IPCEF1: variants seen among roughly 807,000 people sequenced by gnomAD.
The protein encoded by IPCEF1 is interaction protein for cytohesin exchange factors 1, also known as interactor protein for cytohesin exchange factors 1.
Under a neutral mutation model 50.9 loss-of-function variants are expected in IPCEF1, and 31 were observed. That is an observed-to-expected ratio of 0.61 (90% CI 0.46 to 0.82). The LOEUF is 0.82. Among genes scored for constraint, IPCEF1 ranks in the 40% least tolerant of loss-of-function variants. IPCEF1 has a pLI of 0.00. For synonymous variants in IPCEF1, 181 were observed against 192.0 expected (o/e 0.94, Z 0.47); for missense variants, 458 against 514.0 (o/e 0.89, Z 1.05).
intron 1 of IPCEF1, among the ~76,000 whole-genome samples, chr6:154,327,581 T>C (rs1436406557): frequency 6.6e-6 from 1 of 152,082 alleles, no homozygotes; most frequent in East Asian, 1.9e-4. Context: ...CACATATTGG[T>C]GAAGTTGCTG....
intron 1 of IPCEF1, among the ~76,000 whole-genome samples, chr6:154,295,323 T>C (rs1583958257): frequency 2.0e-5 from 3 of 152,330 alleles, no homozygotes; most frequent in African/African-American, 7.2e-5. Context: ...GGTGGTGCTG[T>C]TCTTACAAAT....
At chr6:154,181,086 G>A (rs1490112479) in intron 10 of IPCEF1, among the ~76,000 whole-genome samples, 2 of 152,082 alleles carry the variant, frequency 1.3e-5, no homozygotes, top group Non-Finnish European at 2.9e-5. Flanking sequence ...CAAAAGATCA[G>A]AAGAATTGTA....
chr6:154,197,357 C>T (rs1053842625), intron 10 of IPCEF1, among the ~76,000 whole-genome samples: 4 of 152,156 alleles, frequency 2.6e-5, no homozygotes, highest in Non-Finnish European at 5.9e-5. Flanking sequence ...TTGCTGTTTC[C>T]ATAGAGATGA....
intron 10 of IPCEF1, among the ~76,000 whole-genome samples, chr6:154,174,784 A>T (rs1800178080): frequency 6.6e-6 from 1 of 152,194 alleles, no homozygotes; most frequent in South Asian, 2.1e-4. Flanking sequence ...ATTAACAAGG[A>T]TATCCAGGAC....
chr6:154,266,345 A>G (rs1035385016), intron 2 of IPCEF1, among the ~76,000 whole-genome samples: 2 of 152,116 alleles, frequency 1.3e-5, no homozygotes, highest in Non-Finnish European at 2.9e-5. Context: ...TAATGGCACC[A>G]CTGCACTCCA....
At chr6:154,353,389 G>A (rs1784151538) in intron 1 of IPCEF1, among the ~76,000 whole-genome samples, 1 of 145,132 alleles carries the variant, frequency 6.9e-6, no homozygotes, top group Non-Finnish European at 1.5e-5. Flanking sequence ...CCGGATTCAA[G>A]TGGTTCTTGT....
At chr6:154,193,982 C>A (rs1309143728) in intron 10 of IPCEF1, among the ~76,000 whole-genome samples, 2 of 152,156 alleles carry the variant, frequency 1.3e-5, no homozygotes, top group Non-Finnish European at 2.9e-5. Flanking sequence ...TCATGACATA[C>A]ACAGTTTACA....
At chr6:154,337,676 A>C (rs9397704) in intron 1 of IPCEF1, among the ~76,000 whole-genome samples, 3 of 151,986 alleles carry the variant, frequency 2.0e-5, no homozygotes, top group African/African-American at 7.3e-5. Context: ...AAAGGGGAGG[A>C]GGGAGGAACC....
chr6:154,197,726 C>G (rs1319151010), intron 10 of IPCEF1, among the ~76,000 whole-genome samples: 1 of 152,156 alleles, frequency 6.6e-6, no homozygotes, highest in Non-Finnish European at 1.5e-5. Context: ...TGGCTATGGT[C>G]CTAAAAGAAA....
At position 154,280,431 on chromosome 6, in the gene IPCEF1, A is replaced by T. The variant is rs552989942; in HGVS notation, c.-18+9282T>A. On this transcript the variant is annotated intron_variant, in intron 2 of 11. Coordinates refer to ENST00000367220, the MANE Select transcript of IPCEF1 (RefSeq NM_001130700.2). The stretch of plus-strand genomic sequence containing the variant: ...GAGGTAAATCATTTAAAAAATTGTT[A>T]AAAAAAAATGTCCATCAATGGGAAA... Among the ~76,000 whole-genome samples, 88 of 136,646 alleles carry T rather than the reference A, an allele frequency of 6.4e-4. 1 individual carries two copies. Among genetic ancestry groups the T allele is most frequent in the African/African-American group, 3.0e-3 (83 of 27,520 alleles). The allele number at this position is 136,646 out of a possible 152,430, so 89.6% of individuals were successfully genotyped here. A position where few individuals can be genotyped will look rare whatever the true frequency, so the allele number is the denominator to read the frequency against.
rs1397870267 is a variant in IPCEF1 at position 154,168,041 on chromosome 6, G to A, written c.983C>T (p.Pro328Leu). Residue 328 changes from proline to leucine, a missense_variant, in exon 11 of 12, where the codon CCT (proline) becomes CTT (leucine). Transcript: ENST00000367220. This position sits in a 1 kb window ranked among gnomAD's most constrained non-coding sequence, Gnocchi z 4.1. ...YKSLEQASLS[P>L]LGDRRPSTKK... is the part of the protein sequence containing the mutation. ...AGTCGAAGGTCGTCGGTCCCCAAGA[G>A]GAGATAGACTAGCTTGCTCTAATGA... 2 of 1,610,248 alleles carry A rather than the reference G, an allele frequency of 1.2e-6. No individual in the cohort carries two copies. The highest frequency in any genetic ancestry group is 1.7e-6 in the Non-Finnish European group (2 of 1,177,264).
intron 10 of IPCEF1, among the ~76,000 whole-genome samples, chr6:154,180,414 A>ATATATATATATT (rs1241250621): frequency 1.1e-4 from 7 of 65,266 alleles, no homozygotes; most frequent in African/African-American, 3.4e-4. Flanking sequence ...ATATATATAT[A>ATATATATATATT]TTTTTTTTTT....
intron 1 of IPCEF1, among the ~76,000 whole-genome samples, chr6:154,324,275 T>A (rs1783465632): frequency 6.6e-6 from 1 of 152,114 alleles, no homozygotes; most frequent in Admixed American, 6.5e-5. Flanking sequence ...ATATATAAAA[T>A]AAAATCATGG....
intron 1 of IPCEF1, among the ~76,000 whole-genome samples, chr6:154,333,876 A>G (rs111824332): frequency 6.6e-6 from 1 of 152,082 alleles, no homozygotes; most frequent in East Asian, 1.9e-4. Context: ...CTGCCCCTCC[A>G]CCCTAATATC....
chr6:154,208,205 T>C (rs1777659733), intron 9 of IPCEF1, among the ~76,000 whole-genome samples: 1 of 105,374 alleles, frequency 9.5e-6, no homozygotes, highest in African/African-American at 3.1e-5. Flanking sequence ...ATGCTTTGGC[T>C]TCATTTCCTA....
chr6:154,195,833 C>T (rs1776574738), intron 10 of IPCEF1, among the ~76,000 whole-genome samples: 1 of 151,222 alleles, frequency 6.6e-6, no homozygotes, highest in Admixed American at 6.6e-5. Flanking sequence ...GCTCTGTCAC[C>T]CAGGCTGGGG....
chr6:154,289,366 C>T (rs1245568295), intron 2 of IPCEF1, among the ~76,000 whole-genome samples: 1 of 149,582 alleles, frequency 6.7e-6, no homozygotes, highest in African/African-American at 2.5e-5. Context: ...GGCATCTAAA[C>T]ATGCAATTGC....
At chr6:154,271,184 C>A (rs1781893239) in intron 2 of IPCEF1, among the ~76,000 whole-genome samples, 2 of 140,616 alleles carry the variant, frequency 1.4e-5, no homozygotes, top group Admixed American at 1.6e-4. Context: ...CATAGCAAGA[C>A]CCCATCTCTA....
chr6:154,172,065 T>C (rs1374210734), intron 10 of IPCEF1, among the ~76,000 whole-genome samples: 1 of 152,186 alleles, frequency 6.6e-6, no homozygotes, highest in Admixed American at 6.5e-5. Flanking sequence ...CTACTAAAGA[T>C]TGTGATAGAA....
Sources: allele counts gnomAD v4.1 joint callset (sites outside exome capture counted in the v4.1 genomes callset), GRCh38; gene constraint gnomAD v4.1.1; non-coding constraint Gnocchi (gnomAD v3.1); transcripts MANE v1.5; gene names NCBI Gene and HGNC (gene_info 2026-07-23, HGNC 2026-07-21).